The following HEG1 variants were observed in gnomAD, a reference collection of about 807,000 sequenced individuals.
HEG1 encodes the protein heart development protein with EGF like domains 1, also known as protein HEG homolog 1.
Under a neutral mutation model 125.6 loss-of-function variants are expected in HEG1, and 56 were observed. The observed-to-expected ratio is 0.45, with a 90% CI of 0.36 to 0.56. The LOEUF is 0.56. Among genes scored for constraint, HEG1 ranks in the 20% least tolerant of loss-of-function variants. The pLI, the probability that HEG1 is intolerant of heterozygous loss-of-function variation, is 0.00. For missense variants in HEG1, 1,523 were observed against 1,670.0 expected, an observed-to-expected ratio of 0.91 and a Z score of 1.53; for synonymous variants, 644 against 668.5, an observed-to-expected ratio of 0.96 and a Z score of 0.57.
At chr3:125,048,624 C>T (rs1299272828) in intron 1 of HEG1, among the ~76,000 whole-genome samples, 1 of 152,226 alleles carries the variant, frequency 6.6e-6, no homozygotes, top group Admixed American at 6.5e-5. Flanking sequence ...TCAGATCCTG[C>T]AGGCCTCATA....
intron 14 of HEG1, 97 bp downstream of exon 14, chr3:124,990,690 G>T: frequency 2.6e-6 from 3 of 1,166,370 alleles, no homozygotes. Context: ...AAGACAGCAG[G>T]TGTGAACTGA....
chr3:125,025,488 A>G (rs1161037661), intron 3 of HEG1, among the ~76,000 whole-genome samples: 3 of 152,244 alleles, frequency 2.0e-5, no homozygotes, highest in Non-Finnish European at 4.4e-5. Flanking sequence ...CAGCAGTTAA[A>G]AGTATAAGCT....
chr3:125,012,903 T>C lies in HEG1; in HGVS notation c.2676A>G (p.Gln892=), dbSNP rs377517994. ...TGCTGATGCCACCTTCTGTTGAGAT[T>C]TGAGGAACTAGTATTTCAGGATGGG... ...SLTHPEILVP[Q]ISTEGGISTE... The change falls in exon 6 of 17, where the codon CAA becomes CAG. Residue 892 remains glutamine, a synonymous_variant. Coordinates refer to ENST00000311127, the MANE Select transcript of HEG1 (RefSeq NM_020733.2). The C allele has an allele frequency of 6.2e-7, 1 of 1,614,046 alleles. No homozygotes were observed. The highest frequency in any genetic ancestry group is 1.3e-5 in the African/African-American group (1 of 75,056).
rs148381610 is a variant in HEG1 at position 124,970,551 on chromosome 3, G to T, written c.*101C>A. The T allele has an allele frequency of 7.5e-6, 8 of 1,069,414 alleles. No homozygotes were observed. Among genetic ancestry groups the T allele is most frequent in the Non-Finnish European group, 9.4e-6 (7 of 742,644 alleles). 66.2% of individuals were successfully genotyped at this position (1,069,414 alleles called of 1,614,324 possible). A position where few individuals can be genotyped will look rare whatever the true frequency, so the allele number is the denominator to read the frequency against. On this transcript the variant is annotated 3_prime_UTR_variant, in exon 17 of 17. Coordinates refer to ENST00000311127, the MANE Select transcript of HEG1 (RefSeq NM_020733.2). ...TCCCTCTTCCTGCTTGCCACTCAGC[G>T]TGGCTCCCGACAAATCCTGGGCGCA...
intron 15 of HEG1, among the ~76,000 whole-genome samples, chr3:124,974,746 C>T (rs184101684): frequency 9.2e-5 from 14 of 152,284 alleles, no homozygotes; most frequent in South Asian, 2.1e-4. Flanking sequence ...CTTTCTACCT[C>T]ACTTAAAGTA....
chr3:125,012,606 G>T lies in HEG1; in HGVS notation c.2956+17C>A, dbSNP rs369322241. 3.1e-6 allele frequency: 5 copies of T among 1,604,972 alleles called. No homozygotes were observed. In the African/African-American group the frequency reaches 6.7e-5, roughly 21 times the overall value. On this transcript the variant is annotated intron_variant, in intron 6 of 16. Transcript: ENST00000311127. Reference sequence around the variant, plus strand: ...TGGGCCTTGCAGTTAACATGTGCTTGTGTGACTGTGTTTTACCTGAGGCTG... The same window carrying T: ...TGGGCCTTGCAGTTAACATGTGCTTTTGTGACTGTGTTTTACCTGAGGCTG...
At chr3:124,977,605 C>CT (rs1227789421) in intron 15 of HEG1, among the ~76,000 whole-genome samples, 1 of 152,132 alleles carries the variant, frequency 6.6e-6, no homozygotes, top group Admixed American at 6.5e-5. Flanking sequence ...CAGTTTATTT[C>CT]TTTTTTCATT....
At chr3:125,000,105 G>A (rs1177020069) in intron 11 of HEG1, among the ~76,000 whole-genome samples, 1 of 152,158 alleles carries the variant, frequency 6.6e-6, no homozygotes, top group Admixed American at 6.5e-5. Context: ...GACCTGGGAG[G>A]AAAAACAGGG....
intron 14 of HEG1, among the ~76,000 whole-genome samples, chr3:124,979,304 C>T (rs1936608502): frequency 6.6e-6 from 1 of 152,112 alleles, no homozygotes; most frequent in African/African-American, 2.4e-5. Flanking sequence ...AAAAAGGAGG[C>T]AACCCTAGGT....
chr3:124,981,104 G>T (rs1936643585), intron 14 of HEG1, among the ~76,000 whole-genome samples: 1 of 152,066 alleles, frequency 6.6e-6, no homozygotes, highest in Admixed American at 6.6e-5. Flanking sequence ...CTCCCAAAGT[G>T]CTGGGATTAC....
chr3:125,049,727 T>A (rs1411406387), intron 1 of HEG1, among the ~76,000 whole-genome samples: 2 of 152,144 alleles, frequency 1.3e-5, no homozygotes, highest in African/African-American at 2.4e-5. Context: ...TAACCCATGC[T>A]CTGTCCTCAG....
chr3:125,019,615 A>G lies in HEG1; in HGVS notation c.1253-18T>C. On this transcript the variant is annotated intron_variant, in intron 4 of 16. Coordinates refer to ENST00000311127, the MANE Select transcript of HEG1 (RefSeq NM_020733.2). ...TCCAAAGGCTGTAAGGTAATATAGG[A>G]AAAAAAGGCCATTACATAGGTATGA... 6.3e-7 allele frequency: 1 copy of G among 1,580,326 alleles called. No homozygotes were observed.
intron 12 of HEG1, among the ~76,000 whole-genome samples, chr3:124,995,700 C>T (rs528117848): frequency 1.3e-5 from 2 of 152,332 alleles, no homozygotes; most frequent in Non-Finnish European, 2.9e-5. Context: ...GCAAATACTG[C>T]TGAGAAAGGG....
intron 14 of HEG1, among the ~76,000 whole-genome samples, chr3:124,990,511 G>C (rs553332228): frequency 6.6e-6 from 1 of 152,130 alleles, no homozygotes; most frequent in South Asian, 2.1e-4. Context: ...GCTAATTTTT[G>C]TATTTTTACT....
rs1305040773 is a variant in HEG1, at chr3:124,970,585, G to A, written c.*67C>T. Reference sequence around the variant, plus strand: ...GACAAATCCTGGGCGCAGCCTCCTGGTGCGGTCCTCTGAGCAGAGGTCCCA... The same window carrying A: ...GACAAATCCTGGGCGCAGCCTCCTGATGCGGTCCTCTGAGCAGAGGTCCCA... On this transcript the variant is annotated 3_prime_UTR_variant, in exon 17 of 17. Coordinates refer to ENST00000311127, the MANE Select transcript of HEG1 (RefSeq NM_020733.2). The A allele has an allele frequency of 2.1e-6, 3 of 1,431,662 alleles. No individual in the cohort carries two copies. Among genetic ancestry groups the A allele is most frequent in the Non-Finnish European group, 1.9e-6 (2 of 1,046,656 alleles). 88.7% of individuals were successfully genotyped at this position (1,431,662 alleles called of 1,614,324 possible). A position where few individuals can be genotyped will look rare whatever the true frequency, so the allele number is the denominator to read the frequency against.
At chr3:125,018,147 T>C (rs954554573) in intron 5 of HEG1, among the ~76,000 whole-genome samples, 16 of 152,176 alleles carry the variant, frequency 1.1e-4, no homozygotes, top group Admixed American at 7.2e-4. Context: ...CATCAATTGA[T>C]GACAATTGAT....
At chr3:125,054,831 G>A (rs34598459) in intron 1 of HEG1, among the ~76,000 whole-genome samples, 56,724 of 152,082 alleles carry the variant, frequency 0.37, 10,863 homozygotes, top group South Asian at 0.47. Flanking sequence ...ATGGTATTAT[G>A]GTTAGAATTC....
intron 3 of HEG1, among the ~76,000 whole-genome samples, chr3:125,023,381 T>G (rs181717740): frequency 2.0e-5 from 3 of 152,296 alleles, no homozygotes; most frequent in African/African-American, 7.2e-5. Context: ...AACTGCTCTG[T>G]TTTTCCCTGA....
chr3:125,024,425 A>G (rs1937385677), intron 3 of HEG1, among the ~76,000 whole-genome samples: 1 of 152,194 alleles, frequency 6.6e-6, no homozygotes, highest in Non-Finnish European at 1.5e-5. Flanking sequence ...ACATACACAT[A>G]TCTCTTTCCA....
Sources: allele counts gnomAD v4.1 joint callset (sites outside exome capture counted in the v4.1 genomes callset), GRCh38; gene constraint gnomAD v4.1.1; transcripts MANE v1.5; gene names NCBI Gene and HGNC (gene_info 2026-07-23, HGNC 2026-07-21).